The following ZNF469 variants were observed in gnomAD, a reference collection of about 807,000 sequenced individuals.
ZNF469 encodes the protein zinc finger protein 469.
A neutral mutation model predicts 1.0 loss-of-function variants in ZNF469; 1 was observed. The observed-to-expected ratio is 1.00, with a 90% CI of 0.35 to 4.73. ZNF469 has a LOEUF of 4.73. Ranked by LOEUF, ZNF469 falls within the 30% of genes most tolerant of loss-of-function variation. ZNF469 has a pLI of 0.16. For missense variants in ZNF469, 6,100 were observed against 5,356.3 expected, an observed-to-expected ratio of 1.14 and a Z score of -4.33; for synonymous variants, 2,703 against 2,363.4, an observed-to-expected ratio of 1.14 and a Z score of -4.17.
At chr16:88,160,769 T>C in the ZNF469 span, among the ~76,000 whole-genome samples, 1 of 152,156 alleles carries the variant, frequency 6.6e-6, no homozygotes, top group Non-Finnish European at 1.5e-5. Context: ...ATTGCACCTT[T>C]TCCCACCCAG....
the ZNF469 span, among the ~76,000 whole-genome samples, chr16:88,261,213 GC>G: frequency 6.6e-6 from 1 of 152,244 alleles, no homozygotes. The surrounding 1 kb of genome is among the most constrained non-coding windows in gnomAD (Gnocchi z 6.0). Context: ...AGAGGAAGGA[GC>G]CCGCATTTGA....
the ZNF469 span, among the ~76,000 whole-genome samples, chr16:88,224,761 GTGTC>G: frequency 1.3e-5 from 2 of 150,164 alleles, no homozygotes; most frequent in South Asian, 2.1e-4. Context: ...GTGCACGTGT[GTGTC>G]TGTAAGCATG....
At chr16:88,408,096 A>C (rs908912513) in intron 1 of ZNF469, among the ~76,000 whole-genome samples, 1 of 152,192 alleles carries the variant, frequency 6.6e-6, no homozygotes, top group Non-Finnish European at 1.5e-5. Context: ...TTTGTGTCTC[A>C]ACCTCTTGTC....
At chr16:88,376,751 C>G in the ZNF469 span, among the ~76,000 whole-genome samples, 1 of 152,216 alleles carries the variant, frequency 6.6e-6, no homozygotes, top group African/African-American at 2.4e-5. Flanking sequence ...CGGGGTGTCC[C>G]GGCCACACGG....
the ZNF469 span, among the ~76,000 whole-genome samples, chr16:88,323,920 C>T: frequency 6.6e-6 from 1 of 152,234 alleles, no homozygotes; most frequent in South Asian, 2.1e-4. Context: ...TTTCACCCCT[C>T]CCAGTTCCCT....
chr16:88,209,862 A>G, the ZNF469 span, among the ~76,000 whole-genome samples: 3 of 152,238 alleles, frequency 2.0e-5, no homozygotes, highest in Non-Finnish European at 4.4e-5. Flanking sequence ...CAATGTTGCA[A>G]TGAATAAACC....
At chr16:88,271,335 G>A in the ZNF469 span, among the ~76,000 whole-genome samples, 1 of 133,124 alleles carries the variant, frequency 7.5e-6, no homozygotes, top group Non-Finnish European at 1.7e-5. Flanking sequence ...GGGGGTTAGG[G>A]CCGGGGCCGG....
chr16:88,431,220 C>G lies in ZNF469; in HGVS notation c.3750C>G (p.Ala1250=), dbSNP rs557569932. The change falls in exon 3 of 3, where the codon GCC becomes GCG. Residue 1250 remains alanine, a synonymous_variant. Transcript: ENST00000565624. ...CAGAGGCTTTGCGTTCTCCTCCAGC[C>G]GCCTGTGCGGGAGAAATGGGAGCAA... is the stretch of plus-strand genomic sequence containing the variant. ...EFTEALRSPP[A]ACAGEMGASP... is the part of the protein sequence containing the mutation. 1.3e-6 allele frequency: 2 copies of G among 1,550,396 alleles called. No individual in the cohort carries two copies. Among genetic ancestry groups the G allele is most frequent in the African/African-American group, 1.4e-5 (1 of 73,180 alleles).
intron 2 of ZNF469, among the ~76,000 whole-genome samples, chr16:88,426,426 C>T (rs549206392): frequency 6.6e-6 from 1 of 152,248 alleles, no homozygotes; most frequent in African/African-American, 2.4e-5. Flanking sequence ...GCCAATGGCT[C>T]GGGTCTGAGT....
At chr16:88,373,490 G>A in the ZNF469 span, among the ~76,000 whole-genome samples, 1 of 152,194 alleles carries the variant, frequency 6.6e-6, no homozygotes, top group African/African-American at 2.4e-5. Flanking sequence ...TGGGAGATCT[G>A]GTCCCACCCT....
chr16:88,347,194 C>T, the ZNF469 span, among the ~76,000 whole-genome samples: 3 of 152,142 alleles, frequency 2.0e-5, no homozygotes, highest in Non-Finnish European at 4.4e-5. Flanking sequence ...ACCTATGAGG[C>T]AATGCAGGAG....
the ZNF469 span, among the ~76,000 whole-genome samples, chr16:88,220,302 G>A: frequency 1.3e-5 from 2 of 152,206 alleles, no homozygotes; most frequent in South Asian, 4.1e-4. Context: ...TACCCAGTGT[G>A]CAGCCGGTGT....
the ZNF469 span, among the ~76,000 whole-genome samples, chr16:88,292,390 G>A: frequency 0.028 from 4,263 of 152,188 alleles, 209 homozygotes; most frequent in African/African-American, 0.097. Context: ...TTGTAAACTC[G>A]GACCAGTAAT....
chr16:88,140,441 C>T, the ZNF469 span, among the ~76,000 whole-genome samples: 5 of 148,486 alleles, frequency 3.4e-5, no homozygotes, highest in East Asian at 3.9e-4. Flanking sequence ...GAAAGGAGGA[C>T]GGAGCCACGT....
At chr16:88,117,619 C>CGTGCCTTCGGGGACCATGGAGGTGCCAT in the ZNF469 span, among the ~76,000 whole-genome samples, 1 of 152,152 alleles carries the variant, frequency 6.6e-6, no homozygotes, top group Non-Finnish European at 1.5e-5. Context: ...GGAGGTGCCA[C>CGTGCCTTCGGGGACCATGGAGGTGCCAT]GTGTCTTCAT....
chr16:88,429,153 G>A lies in ZNF469; in HGVS notation c.1683G>A (p.Leu561=). Reference sequence around the variant, plus strand: ...TGACAGACCCTGGGGCTCAGCCCCTGTTCTTCGGGGTGGCCCAGCCCCAGG... The same window carrying A: ...TGACAGACCCTGGGGCTCAGCCCCTATTCTTCGGGGTGGCCCAGCCCCAGG... ...NGMTDPGAQP[L]FFGVAQPQVS... The change falls in exon 3 of 3, where the codon CTG becomes CTA. Residue 561 remains leucine (L), a synonymous_variant. Coordinates refer to ENST00000565624, the MANE Select transcript of ZNF469 (RefSeq NM_001367624.2). 4 of 1,549,956 alleles carry A rather than the reference G, an allele frequency of 2.6e-6. No homozygotes were observed. The highest frequency in any genetic ancestry group is 2.4e-5 in the South Asian group (2 of 84,066).
the ZNF469 span, among the ~76,000 whole-genome samples, chr16:88,277,288 A>G: frequency 6.6e-6 from 1 of 151,174 alleles, no homozygotes; most frequent in East Asian, 2.0e-4. Flanking sequence ...CGCCACGCCG[A>G]CGCTCAGTCA....
chr16:88,182,450 ATCT>A, the ZNF469 span, among the ~76,000 whole-genome samples: 2 of 152,120 alleles, frequency 1.3e-5, no homozygotes, highest in African/African-American at 2.4e-5. Flanking sequence ...AATCTTCCAA[ATCT>A]TCTTTGGAAG....
At chr16:88,279,803 C>T in the ZNF469 span, among the ~76,000 whole-genome samples, 116 of 147,936 alleles carry the variant, frequency 7.8e-4, 1 homozygote, top group Non-Finnish European at 1.5e-3. Flanking sequence ...CGCTGACACT[C>T]GGTCAGTACC....
Sources: allele counts gnomAD v4.1 joint callset (sites outside exome capture counted in the v4.1 genomes callset), GRCh38; gene constraint gnomAD v4.1.1; non-coding constraint Gnocchi (gnomAD v3.1); transcripts MANE v1.5; gene names NCBI Gene and HGNC (gene_info 2026-07-23, HGNC 2026-07-21).